Variants in ITPR2 observed in about 807,000 individuals in gnomAD.
ITPR2 encodes inositol 1,4,5-trisphosphate-gated calcium channel ITPR2.
ITPR2 carries 207 observed loss-of-function variants against 317.1 expected under a neutral mutation model. The observed-to-expected ratio is 0.65, with a 90% CI of 0.58 to 0.73. The LOEUF (loss-of-function observed/expected upper bound fraction) is 0.73, where lower values mean the gene tolerates loss of function less well. ITPR2 is among the 30% of genes least tolerant of loss of function. ITPR2 has a pLI of 0.00. For missense variants in ITPR2, 2,613 were observed against 3,284.0 expected, an observed-to-expected ratio of 0.80 and a Z score of 4.99; for synonymous variants, 1,156 against 1,149.1, an observed-to-expected ratio of 1.01 and a Z score of -0.12.
intron 34 of ITPR2, among the ~76,000 whole-genome samples, chr12:26,568,015 T>TATATATA: frequency 2.4e-5 from 2 of 84,942 alleles, no homozygotes; most frequent in East Asian, 7.4e-4. Context: ...ATTATATATA[T>TATATATA]ATATATATAT....
chr12:26,666,786 T>A (rs1245403923), intron 13 of ITPR2, among the ~76,000 whole-genome samples: 1 of 152,214 alleles, frequency 6.6e-6, no homozygotes. Flanking sequence ...TGAACTTCAG[T>A]GGCATGTAGT....
intron 37 of ITPR2, among the ~76,000 whole-genome samples, chr12:26,538,935 G>A (rs1426363006): frequency 5.9e-5 from 9 of 152,122 alleles, no homozygotes; most frequent in Non-Finnish European, 4.4e-5. Flanking sequence ...CTATAAAATG[G>A]AGATTAAAAT....
At chr12:26,829,559 T>C (rs1306375959) in intron 1 of ITPR2, among the ~76,000 whole-genome samples, 2 of 152,096 alleles carry the variant, frequency 1.3e-5, no homozygotes, top group East Asian at 3.9e-4. Flanking sequence ...CCAGGCTGGA[T>C]CACGGCATTC....
At chr12:26,665,848 C>G in intron 14 of ITPR2, 62 bp downstream of exon 14, 1 of 1,403,696 alleles carries the variant, frequency 7.1e-7, no homozygotes, top group South Asian at 1.3e-5. Flanking sequence ...TAATACAAGG[C>G]CTTTCCTGAT....
intron 43 of ITPR2, among the ~76,000 whole-genome samples, chr12:26,478,165 C>A (rs1346339510): frequency 2.0e-5 from 3 of 152,054 alleles, no homozygotes. Flanking sequence ...ATTTTCCCCC[C>A]AGAAGTACAG....
At chr12:26,832,636 C>A in intron 1 of ITPR2, 54 bp downstream of exon 1, 1 of 1,379,714 alleles carries the variant, frequency 7.2e-7, no homozygotes, top group South Asian at 1.2e-5. Flanking sequence ...GGGACAGGGA[C>A]TGGTTCCCAG....
chr12:26,689,542 G>C (rs1948194420), intron 10 of ITPR2, among the ~76,000 whole-genome samples: 2 of 151,934 alleles, frequency 1.3e-5, no homozygotes. Flanking sequence ...TTGGTTCATT[G>C]ATCTACATCA....
intron 1 of ITPR2, among the ~76,000 whole-genome samples, chr12:26,804,192 G>A (rs145535852): frequency 3.9e-5 from 6 of 152,038 alleles, no homozygotes; most frequent in African/African-American, 1.4e-4. Context: ...AGCTTCCAAC[G>A]TTTAACATTG....
At position 26,832,858 on chromosome 12, in the gene ITPR2, GC is replaced by G; in HGVS notation, c.-78del. ...GCCCTCTCTCCAGGGAGCCGCCGCG[GC>G]AGAAGCGGATCGGATCGCGGGACTA... On this transcript the variant is annotated 5_prime_UTR_variant, in exon 1 of 57. Transcript: ENST00000381340. 8.5e-7 allele frequency: 1 copy of G among 1,169,956 alleles called. No homozygotes were observed. Among genetic ancestry groups the G allele is most frequent in the Non-Finnish European group, 1.3e-6 (1 of 797,104 alleles). The allele number at this position is 1,169,956 out of a possible 1,614,324, so 72.5% of individuals were successfully genotyped here.
intron 49 of ITPR2, among the ~76,000 whole-genome samples, chr12:26,423,214 G>C (rs1423261548): frequency 1.3e-5 from 2 of 152,138 alleles, no homozygotes; most frequent in Non-Finnish European, 2.9e-5. Context: ...GAGAGAGAGA[G>C]AGAGAAAATG....
intron 27 of ITPR2, 30 bp from the exon 28 acceptor site, chr12:26,602,525 A>G: frequency 6.3e-7 from 1 of 1,594,844 alleles, no homozygotes; most frequent in South Asian, 1.1e-5. Flanking sequence ...AGCATCAAAT[A>G]TAATAAATAA....
intron 49 of ITPR2, among the ~76,000 whole-genome samples, chr12:26,427,102 C>T (rs191181209): frequency 1.0e-3 from 153 of 152,114 alleles, no homozygotes; most frequent in African/African-American, 3.6e-3. Flanking sequence ...GTAGGGGAGA[C>T]TAGTCCTAAT....
intron 2 of ITPR2, among the ~76,000 whole-genome samples, chr12:26,777,516 A>C (rs931066641): frequency 5.9e-5 from 9 of 152,228 alleles, no homozygotes; most frequent in African/African-American, 2.2e-4. Context: ...GGTGGGTGTA[A>C]CTACCATAAT....
intron 2 of ITPR2, among the ~76,000 whole-genome samples, chr12:26,747,998 C>T (rs1291546115): frequency 2.6e-5 from 4 of 152,158 alleles, no homozygotes; most frequent in African/African-American, 9.7e-5. Flanking sequence ...CAAGTCCCTT[C>T]TAACTTCAAA....
chr12:26,587,607 GT>G (rs1945566646), intron 32 of ITPR2, among the ~76,000 whole-genome samples: 2 of 151,960 alleles, frequency 1.3e-5, no homozygotes, highest in Admixed American at 6.6e-5. Context: ...AAGAAGGGTG[GT>G]CATAGGGCAG....
intron 48 of ITPR2, among the ~76,000 whole-genome samples, chr12:26,434,871 T>TTTCCTCCCAAGAGTTATA (rs1941311264): frequency 6.6e-6 from 1 of 152,236 alleles, no homozygotes; most frequent in Admixed American, 6.5e-5. Flanking sequence ...GCTGGACTTC[T>TTTCCTCCCAAGAGTTATA]TTCCTCCCAA....
At chr12:26,391,648 T>A (rs1448304820) in intron 54 of ITPR2, among the ~76,000 whole-genome samples, 4 of 133,898 alleles carry the variant, frequency 3.0e-5, no homozygotes, top group Non-Finnish European at 6.2e-5. Context: ...CACTGCAACC[T>A]CGACCTTCCA....
chr12:26,382,201 T>G (rs1939529716), intron 55 of ITPR2, among the ~76,000 whole-genome samples: 2 of 152,216 alleles, frequency 1.3e-5, no homozygotes, highest in South Asian at 4.1e-4. Context: ...CCTTCTTACT[T>G]TCTGTTCCCA....
At chr12:26,704,575 C>T (rs1255645324) in intron 9 of ITPR2, among the ~76,000 whole-genome samples, 1 of 150,988 alleles carries the variant, frequency 6.6e-6, no homozygotes, top group Non-Finnish European at 1.5e-5. Context: ...CCCTCCTTAA[C>T]TTATCTAAGA....
Sources: allele counts gnomAD v4.1 joint callset (sites outside exome capture counted in the v4.1 genomes callset), GRCh38; gene constraint gnomAD v4.1.1; transcripts MANE v1.5; gene names NCBI Gene and HGNC (gene_info 2026-07-23, HGNC 2026-07-21).